Variants in MYO18B observed in about 807,000 individuals in gnomAD.
MYO18B encodes myosin XVIIIB, also known as unconventional myosin-XVIIIb.
A neutral mutation model predicts 273.0 loss-of-function variants in MYO18B; 204 were observed. The ratio of observed to expected loss-of-function variants is 0.75; its 90% CI spans 0.67 to 0.84. The LOEUF (loss-of-function observed/expected upper bound fraction) is 0.84. Among genes scored for constraint, MYO18B ranks in the 40% least tolerant of loss-of-function variants. The probability of loss-of-function intolerance (pLI) is 0.00; values close to 1 mark genes in which losing one functional copy is unlikely to be tolerated. For synonymous variants in MYO18B, 1,330 were observed against 1,305.7 expected (o/e 1.02, Z -0.40); for missense variants, 3,212 against 3,287.6 (o/e 0.98, Z 0.56).
At chr22:25,802,802 T>C (rs1347491897) in intron 12 of MYO18B, among the ~76,000 whole-genome samples, 1 of 149,138 alleles carries the variant, frequency 6.7e-6, no homozygotes, top group Non-Finnish European at 1.5e-5. Flanking sequence ...GCTATTGCCC[T>C]CTAAACACCC....
At chr22:25,762,056 A>G (rs989008079) in intron 2 of MYO18B, among the ~76,000 whole-genome samples, 10 of 151,998 alleles carry the variant, frequency 6.6e-5, no homozygotes, top group Non-Finnish European at 1.3e-4. Context: ...GTGAGCCAAG[A>G]TCGCGCCATT....
chr22:25,890,431 G>A (rs1019382426), intron 25 of MYO18B, among the ~76,000 whole-genome samples: 17 of 152,288 alleles, frequency 1.1e-4, no homozygotes, highest in African/African-American at 3.8e-4. Flanking sequence ...CACTTACTAC[G>A]TGCCAGGCAC....
In MYO18B at chr22:25,777,568, G is replaced by A. The variant is rs1048832257; in HGVS notation, c.1870-15G>A. ...TGGCTGGATGGGATGGCTGATACCT[G>A]TGATCTTCCTGCAGGTGCCCAAGGG... On this transcript the variant is annotated splice_polypyrimidine_tract_variant and intron_variant, in intron 7 of 43. Coordinates refer to ENST00000335473, the MANE Select transcript of MYO18B (RefSeq NM_032608.7). The A allele has an allele frequency of 8.5e-5, 134 of 1,572,076 alleles. No homozygotes were observed. The highest frequency in any genetic ancestry group is 1.1e-4 in the Non-Finnish European group (133 of 1,160,180).
At chr22:25,766,282 AGTT>A (rs1377607924) in intron 3 of MYO18B, among the ~76,000 whole-genome samples, 1 of 152,116 alleles carries the variant, frequency 6.6e-6, no homozygotes, top group Non-Finnish European at 1.5e-5. Context: ...AATCTACTCC[AGTT>A]GTTCCTTCGG....
chr22:25,955,051 C>T, intron 38 of MYO18B, 128 bp from the exon 39 acceptor site: 3 of 957,420 alleles, frequency 3.1e-6, no homozygotes, highest in Non-Finnish European at 4.5e-6. Flanking sequence ...TTGTAGCAGA[C>T]ATCAGTATTC....
intron 17 of MYO18B, among the ~76,000 whole-genome samples, chr22:25,838,339 C>T (rs1467061315): frequency 1.3e-5 from 2 of 152,082 alleles, no homozygotes; most frequent in African/African-American, 2.4e-5. Context: ...GCTGGGATTA[C>T]AGGCACCTGC....
rs4550768 is a variant in MYO18B, at chr22:25,755,680, G to C, written c.-109-5304G>C. On this transcript the variant is annotated intron_variant, in intron 1 of 43. Coordinates refer to ENST00000335473, the MANE Select transcript of MYO18B (RefSeq NM_032608.7). ...TGGTGCCCACCCTGGGTTAATCAGC[G>C]AGTTCTTGCTCTATTTGTTCACGGG... Among the ~76,000 whole-genome samples the C allele has an allele frequency of 7.2e-4, 110 of 152,280 alleles. 1 individual carries two copies. In the South Asian group the frequency reaches 0.022, roughly 30 times the overall value.
chr22:26,063,834 CT>C, the MYO18B span, among the ~76,000 whole-genome samples: 4 of 152,310 alleles, frequency 2.6e-5, no homozygotes, highest in Non-Finnish European at 5.9e-5. Flanking sequence ...AATTAAAGCT[CT>C]TCTTTTTCCT....
Position 25,781,815 on chromosome 22 carries a change from G to A in MYO18B, c.2293G>A (p.Gly765Arg), listed in dbSNP as rs1333402787. The A allele has an allele frequency of 2.5e-6, 4 of 1,588,642 alleles. No individual in the cohort carries two copies. In the African/African-American group the frequency reaches 4.1e-5, roughly 16 times the overall value. Reference sequence around the variant, plus strand: ...CCTGGTTTTCTCCCAGATGCTGGCTGGATTGGACTTGGATCTCAGGTGAGC... The same window carrying A: ...CCTGGTTTTCTCCCAGATGCTGGCTAGATTGGACTTGGATCTCAGGTGAGC... ...NFLVFSQMLAGLDLDLRTELN... is the reference protein window; with the variant it reads ...NFLVFSQMLARLDLDLRTELN... The change falls in exon 10 of 44, where the codon GGA becomes AGA. Residue 765 changes from glycine (G) to arginine (R), a missense_variant. Transcript: ENST00000335473.
chr22:26,004,501 G>GT (rs1406509015), intron 41 of MYO18B, among the ~76,000 whole-genome samples: 1 of 152,204 alleles, frequency 6.6e-6, no homozygotes, highest in Non-Finnish European at 1.5e-5. Context: ...GACTAGCTGG[G>GT]TGACCTTGGC....
intron 24 of MYO18B, 33 bp downstream of exon 24, chr22:25,876,365 G>GC: frequency 6.3e-7 from 1 of 1,579,316 alleles, no homozygotes; most frequent in Non-Finnish European, 8.6e-7. Context: ...GTGCTGGGTG[G>GC]CTACTCCCCA....
At chr22:25,940,662 T>C (rs1184814373) in intron 34 of MYO18B, among the ~76,000 whole-genome samples, 1 of 152,122 alleles carries the variant, frequency 6.6e-6, no homozygotes, top group East Asian at 1.9e-4. Flanking sequence ...ATAGAGAGAA[T>C]GCAACCTCTC....
intron 39 of MYO18B, among the ~76,000 whole-genome samples, chr22:25,957,776 T>G (rs972407218): frequency 6.6e-6 from 1 of 152,184 alleles, no homozygotes; most frequent in African/African-American, 2.4e-5. Context: ...GGCTTTCTTT[T>G]CTGTGTATGT....
At chr22:25,988,430 G>A (rs1240045334) in intron 39 of MYO18B, among the ~76,000 whole-genome samples, 1 of 152,078 alleles carries the variant, frequency 6.6e-6, no homozygotes, top group Non-Finnish European at 1.5e-5. Flanking sequence ...CGGCAAGGGG[G>A]CAATGGTGGA....
At chr22:25,766,187 A>G (rs1044398874) in intron 3 of MYO18B, among the ~76,000 whole-genome samples, 3 of 152,076 alleles carry the variant, frequency 2.0e-5, no homozygotes, top group Non-Finnish European at 4.4e-5. Context: ...GTCAGAGAGA[A>G]CTGGCTTTAC....
intron 11 of MYO18B, among the ~76,000 whole-genome samples, chr22:25,791,423 G>A (rs1394899627): frequency 1.3e-5 from 2 of 152,252 alleles, no homozygotes; most frequent in Non-Finnish European, 2.9e-5. Context: ...CTCAGAGGCT[G>A]TGTGTACCCG....
At chr22:26,026,259 A>G (rs1027684404) in intron 42 of MYO18B, among the ~76,000 whole-genome samples, 186 bp from the exon 43 acceptor site, 3 of 152,250 alleles carry the variant, frequency 2.0e-5, no homozygotes, top group Non-Finnish European at 2.9e-5. Context: ...TTCGGAAAGC[A>G]ACAAGAAATC....
At chr22:25,941,238 A>G (rs767924651) in intron 34 of MYO18B, among the ~76,000 whole-genome samples, 1 of 152,162 alleles carries the variant, frequency 6.6e-6, no homozygotes, top group Non-Finnish European at 1.5e-5. Flanking sequence ...CAGGACCTTC[A>G]TCTCACCCTA....
At chr22:26,033,869 CT>C (rs1569316841), downstream of MYO18B, among the ~76,000 whole-genome samples, 1 of 141,448 alleles carries the variant, frequency 7.1e-6, no homozygotes, top group East Asian at 2.0e-4. Context: ...TCCTCCCTTC[CT>C]TCTTTCTTTC....
Sources: gnomAD v4.1 joint callset for allele counts (sites outside exome capture counted in the v4.1 genomes callset) on GRCh38, gnomAD v4.1.1 for gene constraint, MANE v1.5 for transcripts, NCBI Gene and HGNC (gene_info 2026-07-23, HGNC 2026-07-21) for gene names.